The following BBOX1 variants were observed in gnomAD, a reference collection of about 807,000 sequenced individuals.
The protein encoded by BBOX1 is gamma-butyrobetaine dioxygenase.
BBOX1 carries 35 observed loss-of-function variants against 41.6 expected under a neutral mutation model. The ratio of observed to expected loss-of-function variants is 0.84; its 90% CI spans 0.64 to 1.11. BBOX1 has a LOEUF of 1.11. Ranked by LOEUF, BBOX1 falls within the 50% of genes most tolerant of loss-of-function variation. BBOX1 has a pLI of 0.00. For synonymous variants in BBOX1, 163 were observed against 154.7 expected (o/e 1.05, Z -0.40); for missense variants, 458 against 460.6 (o/e 0.99, Z 0.05).
rs375083852 is a variant in BBOX1, at chr11:27,049,016, T to C, written c.-38-6377T>C. ...TGCGGTGTTTGGTTTTTTGTTCTTGTGATAGTTTACTGAGAATGATGATTT... is the reference window on the plus strand; with the variant it reads ...TGCGGTGTTTGGTTTTTTGTTCTTGCGATAGTTTACTGAGAATGATGATTT... On this transcript the variant is annotated intron_variant, in intron 2 of 8. Transcript: ENST00000263182. Among the ~76,000 whole-genome samples, 37 of 151,258 alleles carry C rather than the reference T, an allele frequency of 2.4e-4. No individual in the cohort carries two copies. In the East Asian group the frequency reaches 5.1e-3, roughly 21 times the overall value.
intron 5 of BBOX1, among the ~76,000 whole-genome samples, chr11:27,111,630 A>G (rs184744479): frequency 3.5e-4 from 53 of 151,988 alleles, no homozygotes; most frequent in African/African-American, 1.2e-3. Context: ...TGTGTCATTT[A>G]GTACATTCAC....
intron 3 of BBOX1, among the ~76,000 whole-genome samples, chr11:27,055,891 T>G (rs1856966273): frequency 6.6e-6 from 1 of 152,172 alleles, no homozygotes; most frequent in Non-Finnish European, 1.5e-5. Flanking sequence ...TGTCTTTTAG[T>G]CAAATTAGTA....
intron 5 of BBOX1, among the ~76,000 whole-genome samples, chr11:27,097,668 T>C (rs1017973890): frequency 6.6e-6 from 1 of 152,182 alleles, no homozygotes; most frequent in Non-Finnish European, 1.5e-5. Flanking sequence ...CCCGGACTTT[T>C]GGCATTCCAA....
At chr11:27,061,680 T>C (rs1590174976) in intron 4 of BBOX1, among the ~76,000 whole-genome samples, 1 of 152,320 alleles carries the variant, frequency 6.6e-6, no homozygotes, top group African/African-American at 2.4e-5. Context: ...AAATCTGGAA[T>C]CAAGATGCAG....
chr11:27,042,932 A>C (rs1851378995), intron 2 of BBOX1, among the ~76,000 whole-genome samples: 1 of 152,160 alleles, frequency 6.6e-6, no homozygotes, highest in East Asian at 1.9e-4. Context: ...AAATAATAAC[A>C]ATGTAGTTAA....
intron 2 of BBOX1, among the ~76,000 whole-genome samples, chr11:27,041,682 G>C (rs1851351620): frequency 6.6e-6 from 1 of 152,086 alleles, no homozygotes; most frequent in Non-Finnish European, 1.5e-5. Flanking sequence ...ATTTAGAATA[G>C]GCTTGGTTTT....
At chr11:27,124,954 C>A (rs1430860460) in intron 7 of BBOX1, among the ~76,000 whole-genome samples, 1 of 152,110 alleles carries the variant, frequency 6.6e-6, no homozygotes, top group African/African-American at 2.4e-5. Flanking sequence ...AGTGCCCTCC[C>A]AAGGTACTAA....
intron 7 of BBOX1, among the ~76,000 whole-genome samples, chr11:27,121,065 C>A (rs79024757): frequency 6.6e-6 from 1 of 152,176 alleles, no homozygotes; most frequent in East Asian, 1.9e-4. Flanking sequence ...TAGGGCTTAG[C>A]AAGGACGGAA....
At chr11:27,101,332 CAATT>C (rs1308235042) in intron 5 of BBOX1, among the ~76,000 whole-genome samples, 2 of 152,016 alleles carry the variant, frequency 1.3e-5, no homozygotes, top group African/African-American at 4.8e-5. Flanking sequence ...GGGAAAATGG[CAATT>C]AATACAGAAT....
intron 5 of BBOX1, among the ~76,000 whole-genome samples, chr11:27,110,893 T>C (rs1859036695): frequency 1.3e-5 from 2 of 151,956 alleles, no homozygotes; most frequent in Non-Finnish European, 2.9e-5. Flanking sequence ...AAATGGCATG[T>C]ATATATAGTG....
At chr11:27,087,804 A>G (rs887063715) in intron 4 of BBOX1, among the ~76,000 whole-genome samples, 2 of 152,092 alleles carry the variant, frequency 1.3e-5, no homozygotes, top group Non-Finnish European at 2.9e-5. Context: ...CTCTGATTTC[A>G]GCAAAACTCC....
intron 4 of BBOX1, among the ~76,000 whole-genome samples, chr11:27,064,076 G>A (rs1857212390): frequency 6.6e-6 from 1 of 152,156 alleles, no homozygotes; most frequent in Admixed American, 6.5e-5. Context: ...CCATCTCTAA[G>A]CCTTGCTACA....
At chr11:27,050,636 C>T (rs999406956) in intron 2 of BBOX1, among the ~76,000 whole-genome samples, 1 of 145,796 alleles carries the variant, frequency 6.9e-6, no homozygotes, top group Non-Finnish European at 1.5e-5. Context: ...ATACCTTTTT[C>T]AGAATGTTAG....
chr11:27,073,873 TG>T (rs1034528172), intron 4 of BBOX1, among the ~76,000 whole-genome samples: 7 of 150,616 alleles, frequency 4.6e-5, no homozygotes, highest in African/African-American at 1.7e-4. Flanking sequence ...TGAGAACACT[TG>T]GACACAGGAA....
At chr11:27,116,880 A>G (rs1047435883) in intron 6 of BBOX1, among the ~76,000 whole-genome samples, 2 of 152,042 alleles carry the variant, frequency 1.3e-5, no homozygotes, top group Non-Finnish European at 1.5e-5. Flanking sequence ...CTGTGTGACT[A>G]CAAGGAACAT....
At position 27,115,546 on chromosome 11, in the gene BBOX1, C is replaced by A; in HGVS notation, c.628C>A (p.His210Asn). 1 of 1,609,360 alleles carries A rather than the reference C, an allele frequency of 6.2e-7. No individual in the cohort carries two copies. Among genetic ancestry groups the A allele is most frequent in the Non-Finnish European group, 8.5e-7 (1 of 1,177,034 alleles). Residue 210 changes from histidine to asparagine, a missense_variant, in exon 6 of 9, where the codon CAT (histidine) becomes AAT (asparagine). His to Asn is a moderately conservative substitution (Grantham distance 68). Transcript: ENST00000263182. ...SFHTDYPALH[H>N]PPGVQLLHCI... ...TCACACTGATTATCCAGCCCTCCAT[C>A]ATCCACCTGGGGTAAGTGAGCTTCA...
chr11:27,067,212 T>C (rs1857314422), intron 4 of BBOX1, among the ~76,000 whole-genome samples: 1 of 152,188 alleles, frequency 6.6e-6, no homozygotes, highest in Non-Finnish European at 1.5e-5. Flanking sequence ...TGTTTTAAAA[T>C]AGGTTTATTT....
intron 4 of BBOX1, among the ~76,000 whole-genome samples, chr11:27,058,298 T>C (rs944783801): frequency 1.3e-5 from 2 of 152,202 alleles, no homozygotes; most frequent in African/African-American, 4.8e-5. Flanking sequence ...GCTTCCTGTA[T>C]AGCCTGCAAA....
intron 4 of BBOX1, among the ~76,000 whole-genome samples, chr11:27,084,791 G>C (rs2083947304): frequency 6.6e-6 from 1 of 152,098 alleles, no homozygotes; most frequent in Non-Finnish European, 1.5e-5. Context: ...GGAATGTGAT[G>C]CTTAACCCTG....
Sources: gnomAD v4.1 joint callset for allele counts (sites outside exome capture counted in the v4.1 genomes callset) on GRCh38, gnomAD v4.1.1 for gene constraint, MANE v1.5 for transcripts, NCBI Gene and HGNC (gene_info 2026-07-23, HGNC 2026-07-21) for gene names.